Variants in UGT2B15 observed in about 807,000 individuals in gnomAD.
UGT2B15 encodes the protein UDP-glucuronosyltransferase 2B15.
In UGT2B15, 36 loss-of-function variants were observed where a neutral mutation model predicts 45.9. The observed-to-expected ratio is 0.78, with a 90% confidence interval of 0.60 to 1.04. The LOEUF (loss-of-function observed/expected upper bound fraction) is 1.04. UGT2B15 is among the 50% of genes least tolerant of loss of function. The pLI is 0.00. For synonymous variants in UGT2B15, 219 were observed against 216.4 expected, an observed-to-expected ratio of 1.01 and a Z score of -0.11; for missense variants, 617 against 622.4, an observed-to-expected ratio of 0.99 and a Z score of 0.09.
chr4:68,670,230 T>C lies in UGT2B15; in HGVS notation c.389A>G (p.Asp130Gly), dbSNP rs773205180. The C allele has an allele frequency of 5.0e-6, 8 of 1,613,970 alleles. No individual in the cohort carries two copies. Among genetic ancestry groups the C allele is most frequent in the African/African-American group, 1.3e-5 (1 of 75,050 alleles). The part of the protein sequence containing the change: ...YYDYSNKLCK[D>G]AVLNKKLMMK... ...CATAAGTTTCTTATTCAAAACTGCA[T>C]CTTTACAGAGCTTGTTACTGTAGTC... The change falls in exon 1 of 6, where the codon GAT becomes GGT. Residue 130 changes from aspartate (D) to glycine (G), a missense_variant. By Grantham distance (94) the Asp-to-Gly change is moderately conservative. Coordinates refer to ENST00000338206, the MANE Select transcript of UGT2B15 (RefSeq NM_001076.4).
chr4:68,646,946 G>T lies in UGT2B15; in HGVS notation c.*158C>A, dbSNP rs545969716. The T allele has an allele frequency of 9.4e-7, 1 of 1,066,048 alleles. No individual in the cohort carries two copies. The highest frequency in any genetic ancestry group is 1.3e-6 in the Non-Finnish European group (1 of 742,028). 66.0% of individuals were successfully genotyped at this position (1,066,048 alleles called of 1,614,324 possible). Reference sequence around the variant, plus strand: ...ACATAGAATAATTCAGCTAAAGTACGTATTAAATCCCTGGAAAATAAATTT... The same window carrying T: ...ACATAGAATAATTCAGCTAAAGTACTTATTAAATCCCTGGAAAATAAATTT... On this transcript the variant is annotated 3_prime_UTR_variant, in exon 6 of 6. Coordinates refer to ENST00000338206, the MANE Select transcript of UGT2B15 (RefSeq NM_001076.4).
chr4:68,651,205 TTG>T (rs538299868), intron 5 of UGT2B15, among the ~76,000 whole-genome samples: 22 of 152,066 alleles, frequency 1.4e-4, no homozygotes, highest in Non-Finnish European at 2.6e-4. Context: ...CTTTTGGTGT[TTG>T]TGTCATGAAA....
intron 3 of UGT2B15, among the ~76,000 whole-genome samples, chr4:68,660,325 C>G (rs1165938225): frequency 2.0e-5 from 3 of 150,910 alleles, no homozygotes; most frequent in Admixed American, 2.0e-4. Context: ...AACTTTCTGA[C>G]AGGCCCAGGA....
At chr4:68,657,816 T>C (rs1365769685) in intron 3 of UGT2B15, among the ~76,000 whole-genome samples, 1 of 151,876 alleles carries the variant, frequency 6.6e-6, no homozygotes, top group Non-Finnish European at 1.5e-5. Context: ...AGCTGGTCAA[T>C]TTTTTTTATC....
At chr4:68,648,171 T>C (rs2109816676) in intron 5 of UGT2B15, among the ~76,000 whole-genome samples, 1 of 152,250 alleles carries the variant, frequency 6.6e-6, no homozygotes, top group African/African-American at 2.4e-5. Context: ...ATTATGACAC[T>C]CACCTGTTAA....
intron 3 of UGT2B15, among the ~76,000 whole-genome samples, chr4:68,661,554 AAG>A (rs1014669839): frequency 6.6e-6 from 1 of 152,024 alleles, no homozygotes; most frequent in Non-Finnish European, 1.5e-5. Flanking sequence ...GTGATATGAG[AAG>A]AGTTTACTTA....
chr4:68,657,727 T>C (rs574457266), intron 3 of UGT2B15, among the ~76,000 whole-genome samples: 1 of 152,024 alleles, frequency 6.6e-6, no homozygotes, highest in Non-Finnish European at 1.5e-5. Context: ...AAAAATTCTT[T>C]TCTTCTTGCT....
intron 3 of UGT2B15, among the ~76,000 whole-genome samples, chr4:68,655,430 A>T (rs1274228753): frequency 6.6e-6 from 1 of 152,142 alleles, no homozygotes; most frequent in Non-Finnish European, 1.5e-5. Flanking sequence ...TAATAGCTAG[A>T]CACATGAGAT....
At position 68,646,972 on chromosome 4, in the gene UGT2B15, T is replaced by C; in HGVS notation, c.*132A>G. 3 of 1,351,610 alleles carry C rather than the reference T, an allele frequency of 2.2e-6. No homozygotes were observed. Among genetic ancestry groups the C allele is most frequent in the South Asian group, 1.5e-5 (1 of 67,348 alleles). The allele number at this position is 1,351,610 out of a possible 1,614,324, so 83.7% of individuals were successfully genotyped here. A position where few individuals can be genotyped will look rare whatever the true frequency, so the allele number is the denominator to read the frequency against. On this transcript the variant is annotated 3_prime_UTR_variant, in exon 6 of 6. Transcript: ENST00000338206. ...TATTAAATCCCTGGAAAATAAATTT[T>C]GTCTTAACAAGGTAAGTTGTGAAAA...
rs376993290 is a variant in UGT2B15, at chr4:68,668,201, A to G, written c.725-13T>C. 2 of 1,602,690 alleles carry G rather than the reference A, an allele frequency of 1.2e-6. No homozygotes were observed. Among genetic ancestry groups the G allele is most frequent in the Non-Finnish European group, 1.7e-6 (2 of 1,174,588 alleles). ...GTAGTGGGTCTTCCTGATGGAAAAA[A>G]ACAAAACAAAACAAAAGGTAGCTAA... On this transcript the variant is annotated splice_polypyrimidine_tract_variant and intron_variant, in intron 1 of 5. Transcript: ENST00000338206.
intron 5 of UGT2B15, among the ~76,000 whole-genome samples, chr4:68,653,188 A>T (rs1287468499): frequency 2.6e-5 from 4 of 152,228 alleles, no homozygotes; most frequent in African/African-American, 7.2e-5. Flanking sequence ...ACATATTTTT[A>T]CACGGAAAAT....
chr4:68,669,901 C>T lies in UGT2B15; in HGVS notation c.718G>A (p.Val240Ile). ...LKKWDQFYSE[V>I]LGRPTTLFET... ...AGTTAGACACATGACTTACCTAGAA[C>T]TTCACTATAAAACTGGTCCCACTTC... is the stretch of plus-strand genomic sequence containing the variant. The change falls in exon 1 of 6, where the codon GTT becomes ATT. Residue 240 changes from valine to isoleucine, a missense_variant. This residue lies in a region of UGT2B15 where 351 missense variants were observed against 342.1 expected (regional missense o/e 1.03). Transcript: ENST00000338206. 1 of 1,607,012 alleles carries T rather than the reference C, an allele frequency of 6.2e-7. No individual in the cohort carries two copies. The highest frequency in any genetic ancestry group is 1.7e-5 in the Admixed American group (1 of 57,526).
intron 2 of UGT2B15, among the ~76,000 whole-genome samples, chr4:68,665,280 A>G (rs1422911363): frequency 6.6e-6 from 1 of 152,096 alleles, no homozygotes; most frequent in East Asian, 1.9e-4. Flanking sequence ...TTCTCATTGT[A>G]TATGCCTTTT....
chr4:68,655,142 C>A lies in UGT2B15; in HGVS notation c.1046G>T (p.Gly349Val), dbSNP rs767776292. The A allele has an allele frequency of 2.4e-5, 38 of 1,613,130 alleles. 1 individual carries two copies. Among genetic ancestry groups the A allele is most frequent in the Non-Finnish European group, 3.1e-5 (37 of 1,179,586 alleles). Reference sequence around the variant, plus strand: ...CCACTTGTACAGTCGAGTATTGGAACCTAAAGTATTTGGCTTCTTGCCATC... The same window carrying A: ...CCACTTGTACAGTCGAGTATTGGAAACTAAAGTATTTGGCTTCTTGCCATC... ...RFDGKKPNTL[G>V]SNTRLYKWLP... Residue 349 changes from glycine (G) to valine (V), a missense_variant, in exon 4 of 6, where the codon GGT becomes GTT. Transcript: ENST00000338206.
At position 68,664,823 on chromosome 4, in the gene UGT2B15, C is replaced by T. The variant is rs556748588; in HGVS notation, c.874-1684G>A. 6.0e-4 allele frequency among the ~76,000 whole-genome samples: 92 copies of T among 152,142 alleles called. 1 individual carries two copies. The South Asian group carries it at 0.018, about 30-fold the overall frequency. On this transcript the variant is annotated intron_variant, in intron 2 of 5. Coordinates refer to ENST00000338206, the MANE Select transcript of UGT2B15 (RefSeq NM_001076.4). ...TTGTGATCCACCCGCCTCAGCCTCC[C>T]GATGTGCTGGGATTACAGGCATGAG...
At chr4:68,664,888 C>T (rs1733075938) in intron 2 of UGT2B15, among the ~76,000 whole-genome samples, 1 of 152,062 alleles carries the variant, frequency 6.6e-6, no homozygotes, top group South Asian at 2.1e-4. Context: ...ATTGGAGATT[C>T]AGTGTATGGC....
At chr4:68,668,591 G>T (rs1254719670) in intron 1 of UGT2B15, among the ~76,000 whole-genome samples, 5 of 150,602 alleles carry the variant, frequency 3.3e-5, no homozygotes, top group Non-Finnish European at 7.4e-5. Flanking sequence ...GCAGGTGATT[G>T]GATCATGGTG....
intron 3 of UGT2B15, among the ~76,000 whole-genome samples, chr4:68,661,026 C>T (rs1406631117): frequency 1.3e-5 from 2 of 152,006 alleles, no homozygotes; most frequent in African/African-American, 2.4e-5. Flanking sequence ...GACTTCACAA[C>T]CTACTAAAAA....
rs1193757682 is a variant in UGT2B15 at position 68,669,978 on chromosome 4, T to C, written c.641A>G (p.Asn214Ser). The change falls in exon 1 of 6, where the codon AAT becomes AGT. Residue 214 changes from asparagine to serine, a missense_variant. Asn to Ser is a conservative substitution (Grantham distance 46, BLOSUM62 1). Around this residue, in one of 3 missense-constraint regions of UGT2B15, gnomAD observed 351 missense variants for 342.1 expected, o/e 1.03. Coordinates refer to ENST00000338206, the MANE Select transcript of UGT2B15 (RefSeq NM_001076.4). ...DQMIFMERIK[N>S]MIHMLYFDFW... is the part of the protein sequence containing the mutation. ...GTCAAAATAAAGCATATGTATCATA[T>C]TTTTTATCCTCTCCATGAAAATCAT... 6 of 1,613,848 alleles carry C rather than the reference T, an allele frequency of 3.7e-6. No homozygotes were observed. Among genetic ancestry groups the C allele is most frequent in the Non-Finnish European group, 3.4e-6 (4 of 1,179,932 alleles).
Sources: gnomAD v4.1 joint callset for allele counts (sites outside exome capture counted in the v4.1 genomes callset) on GRCh38, gnomAD v4.1.1 for gene constraint, gnomAD v4.1.1 regional missense constraint, MANE v1.5 for transcripts, NCBI Gene and HGNC (gene_info 2026-07-23, HGNC 2026-07-21) for gene names.